The following ADGRL4 variants were observed in gnomAD, a reference collection of about 807,000 sequenced individuals.
ADGRL4 encodes adhesion G protein-coupled receptor L4.
In ADGRL4, 90 loss-of-function variants were observed where a neutral mutation model predicts 74.8. That is an observed-to-expected ratio of 1.20 (90% confidence interval 1.02 to 1.43). ADGRL4 has a LOEUF of 1.43. ADGRL4 is among the 40% of genes most tolerant of loss of function. ADGRL4 has a pLI of 0.00. For missense variants in ADGRL4, 881 were observed against 814.3 expected (o/e 1.08, Z -1.00); for synonymous variants, 311 against 279.2 (o/e 1.11, Z -1.14).
chr1:78,903,000 A>C (rs12097241), intron 12 of ADGRL4, among the ~76,000 whole-genome samples: 15,928 of 152,194 alleles, frequency 0.1, 1,264 homozygotes, highest in African/African-American at 0.22. Flanking sequence ...TTGTCAAAAA[A>C]ATATAAATTG....
At chr1:78,914,407 C>T (rs1206471090) in intron 12 of ADGRL4, among the ~76,000 whole-genome samples, 8 of 151,852 alleles carry the variant, frequency 5.3e-5, no homozygotes, top group Admixed American at 3.3e-4. Flanking sequence ...ACCCAATTAA[C>T]ACGGTGAACT....
At chr1:78,970,160 T>G (rs1359910997) in intron 2 of ADGRL4, among the ~76,000 whole-genome samples, 2 of 152,176 alleles carry the variant, frequency 1.3e-5, no homozygotes, top group Admixed American at 1.3e-4. Flanking sequence ...AGCTGGCTTA[T>G]GTTAAGGAGT....
intron 2 of ADGRL4, among the ~76,000 whole-genome samples, chr1:78,960,095 T>C (rs1270132151): frequency 6.6e-6 from 1 of 152,200 alleles, no homozygotes; most frequent in Non-Finnish European, 1.5e-5. Context: ...ATGAATCTCA[T>C]CCCTCATTGC....
At chr1:78,931,152 A>G (rs940198772) in intron 7 of ADGRL4, among the ~76,000 whole-genome samples, 2 of 151,230 alleles carry the variant, frequency 1.3e-5, no homozygotes, top group Non-Finnish European at 2.9e-5. Context: ...GGCCAAAATT[A>G]AGGAAAAAAT....
rs185744093 is a variant in ADGRL4 at position 78,958,785 on chromosome 1, T to C, written c.173-12359A>G. Among the ~76,000 whole-genome samples, 432 of 152,312 alleles carry C rather than the reference T, an allele frequency of 2.8e-3. 2 individuals are homozygous for C. The highest frequency in any genetic ancestry group is 9.8e-3 in the African/African-American group (407 of 41,562). On this transcript the variant is annotated intron_variant, in intron 2 of 14. Coordinates refer to ENST00000370742, the MANE Select transcript of ADGRL4 (RefSeq NM_022159.4). Reference sequence around the variant, plus strand: ...GGACTGACTCCAATTTTAAAAGATATTCCATGGGTAAAGTGCTATCAAATA... The same window carrying C: ...GGACTGACTCCAATTTTAAAAGATACTCCATGGGTAAAGTGCTATCAAATA...
At chr1:78,993,666 T>A (rs1477932175) in intron 2 of ADGRL4, among the ~76,000 whole-genome samples, 2 of 151,786 alleles carry the variant, frequency 1.3e-5, no homozygotes, top group African/African-American at 4.8e-5. Context: ...CCTCCTGGGC[T>A]CATGCCATTC....
chr1:78,968,676 G>A (rs548805107), intron 2 of ADGRL4, among the ~76,000 whole-genome samples: 92 of 152,246 alleles, frequency 6.0e-4, no homozygotes, highest in African/African-American at 2.1e-3. Context: ...GAGGAGCCCG[G>A]GTTGCTAGCT....
intron 8 of ADGRL4, among the ~76,000 whole-genome samples, chr1:78,924,586 A>G (rs572893344): frequency 6.6e-6 from 1 of 152,182 alleles, no homozygotes; most frequent in African/African-American, 2.4e-5. Context: ...TCTCCAAGAC[A>G]ACAAACTGGC....
At chr1:78,960,000 A>T (rs1649916847) in intron 2 of ADGRL4, among the ~76,000 whole-genome samples, 1 of 152,214 alleles carries the variant, frequency 6.6e-6, no homozygotes, top group Non-Finnish European at 1.5e-5. Context: ...AGTGTACGCC[A>T]TTCAAAATAA....
intron 2 of ADGRL4, among the ~76,000 whole-genome samples, chr1:78,959,030 A>C (rs762528141): frequency 6.6e-6 from 1 of 152,202 alleles, no homozygotes; most frequent in Admixed American, 6.5e-5. Context: ...GCAACAAAGT[A>C]TTTTAAATTA....
rs117322873 is a variant in ADGRL4, at chr1:78,891,409, G to A, written c.2010+115C>T. Reference sequence around the variant, plus strand: ...CATATTTTCCTATGAACAGCTAGGCGATTTAGGCAATAAAGGCAGAAGTCA... The same window carrying A: ...CATATTTTCCTATGAACAGCTAGGCAATTTAGGCAATAAAGGCAGAAGTCA... On this transcript the variant is annotated intron_variant, in intron 14 of 14. Transcript: ENST00000370742. The A allele has an allele frequency of 1.8e-4, 234 of 1,276,882 alleles. 1 individual carries two copies. In the East Asian group the frequency reaches 5.4e-3, roughly 29 times the overall value. The allele number at this position is 1,276,882 out of a possible 1,614,324, so 79.1% of individuals were successfully genotyped here.
chr1:78,910,340 G>A (rs115631405), intron 12 of ADGRL4, among the ~76,000 whole-genome samples: 460 of 151,878 alleles, frequency 3.0e-3, no homozygotes, highest in Non-Finnish European at 5.4e-3. Context: ...ACATATAAAG[G>A]ACAATTAGAG....
In ADGRL4 at chr1:78,902,109, A is replaced by G. The variant is rs151277800; in HGVS notation, c.1750-8920T>C. Among the ~76,000 whole-genome samples, 572 of 152,306 alleles carry G rather than the reference A, an allele frequency of 3.8e-3. 6 individuals are homozygous for G. The highest frequency in any genetic ancestry group is 0.013 in the African/African-American group (547 of 41,578). The stretch of plus-strand genomic sequence containing the variant: ...AAAATGCAGTAAACTCTTGAGATTT[A>G]TACTTTAGAAAACAGCAATGTTCTT... On this transcript the variant is annotated intron_variant, in intron 12 of 14. Coordinates refer to ENST00000370742, the MANE Select transcript of ADGRL4 (RefSeq NM_022159.4).
intron 2 of ADGRL4, among the ~76,000 whole-genome samples, chr1:78,967,097 G>C (rs1650073763): frequency 6.6e-6 from 1 of 152,086 alleles, no homozygotes; most frequent in South Asian, 2.1e-4. Context: ...TTAAAGGAAA[G>C]TTAAAAGGTG....
intron 2 of ADGRL4, among the ~76,000 whole-genome samples, chr1:78,996,186 C>T (rs970010645): frequency 2.0e-5 from 3 of 152,116 alleles, no homozygotes; most frequent in African/African-American, 7.2e-5. Flanking sequence ...AACTTTCTTG[C>T]AGTGGTCACT....
intron 4 of ADGRL4, among the ~76,000 whole-genome samples, chr1:78,938,947 C>T (rs1649417121): frequency 6.6e-6 from 1 of 152,102 alleles, no homozygotes; most frequent in Non-Finnish European, 1.5e-5. Context: ...AATTTTCCAA[C>T]ATATGGAGTA....
At chr1:78,997,044 C>T (rs979509876) in intron 2 of ADGRL4, among the ~76,000 whole-genome samples, 1 of 152,058 alleles carries the variant, frequency 6.6e-6, no homozygotes, top group African/African-American at 2.4e-5. Flanking sequence ...GCATTAATGA[C>T]ATTTCAATGT....
Position 78,938,214 on chromosome 1 carries a change from A to C in ADGRL4, c.462T>G (p.Leu154=), listed in dbSNP as rs192616187. Residue 154 remains leucine (L), a synonymous_variant, in exon 5 of 15, where the codon CTT becomes CTG. Coordinates refer to ENST00000370742, the MANE Select transcript of ADGRL4 (RefSeq NM_022159.4). ...QEVYRNSVTD[L]SPTDIITYIE... is the part of the protein sequence containing the mutation. ...TATATGTAATTATATCTGTTGGTGA[A>C]AGATCTGTCACAGAATTTCTATAGA... 692 of 1,611,644 alleles carry C rather than the reference A, an allele frequency of 4.3e-4. No individual in the cohort carries two copies. The highest frequency in any genetic ancestry group is 1.4e-3 in the Admixed American group (84 of 59,832).
chr1:78,979,364 C>G (rs1271320622), intron 2 of ADGRL4, among the ~76,000 whole-genome samples: 2 of 151,962 alleles, frequency 1.3e-5, no homozygotes, highest in South Asian at 4.2e-4. Context: ...CTATTCGCAC[C>G]CTGTAGTCAG....
Sources: gnomAD v4.1 joint callset for allele counts (sites outside exome capture counted in the v4.1 genomes callset) on GRCh38, gnomAD v4.1.1 for gene constraint, MANE v1.5 for transcripts, NCBI Gene and HGNC (gene_info 2026-07-23, HGNC 2026-07-21) for gene names.